The following ZNRF3 variants were observed in gnomAD, a reference collection of about 807,000 sequenced individuals.
The protein encoded by ZNRF3 is E3 ubiquitin-protein ligase ZNRF3.
Under a neutral mutation model 72.5 loss-of-function variants are expected in ZNRF3, and 23 were observed. The observed-to-expected ratio is 0.32, with a 90% confidence interval of 0.23 to 0.45. The LOEUF (loss-of-function observed/expected upper bound fraction) is 0.45. Among genes scored for constraint, ZNRF3 ranks in the 20% least tolerant of loss-of-function variants. The pLI is 1.00. For missense variants in ZNRF3, 1,169 were observed against 1,272.1 expected (o/e 0.92, Z 1.23); for synonymous variants, 610 against 545.3 (o/e 1.12, Z -1.65).
chr22:28,926,684 A>T (rs1446579787), intron 1 of ZNRF3, among the ~76,000 whole-genome samples: 1 of 151,114 alleles, frequency 6.6e-6, no homozygotes, highest in Non-Finnish European at 1.5e-5. Flanking sequence ...CTGTAATCCC[A>T]GCTACTCGGG....
chr22:28,976,453 C>CCAAG (rs1431108573), intron 1 of ZNRF3, among the ~76,000 whole-genome samples: 1 of 152,062 alleles, frequency 6.6e-6, no homozygotes, highest in Non-Finnish European at 1.5e-5. Flanking sequence ...CTGCAGTGAG[C>CCAAG]CAAGATTGTG....
chr22:29,020,518 C>T (rs2036514066), intron 2 of ZNRF3, among the ~76,000 whole-genome samples: 1 of 151,872 alleles, frequency 6.6e-6, no homozygotes, highest in Non-Finnish European at 1.5e-5. Flanking sequence ...GCCTCGGACT[C>T]CCAAAGTGGT....
intron 1 of ZNRF3, among the ~76,000 whole-genome samples, chr22:28,917,711 G>A (rs2034435219): frequency 6.6e-6 from 1 of 152,200 alleles, no homozygotes; most frequent in Non-Finnish European, 1.5e-5. Context: ...AAAGGACATA[G>A]GGTCTTTATC....
chr22:28,970,557 A>C lies in ZNRF3; in HGVS notation c.301-16519A>C, dbSNP rs2035552907. Among the ~76,000 whole-genome samples the C allele has an allele frequency of 2.0e-5, 3 of 152,240 alleles. No individual in the cohort carries two copies. The South Asian group carries it at 6.2e-4, about 31-fold the overall frequency. On this transcript the variant is annotated intron_variant, in intron 1 of 8. Coordinates refer to ENST00000544604, the MANE Select transcript of ZNRF3 (RefSeq NM_001206998.2). The stretch of plus-strand genomic sequence containing the variant: ...AACATTTGTCTACGCAAACCTACTC[A>C]AATATCCGTGGCAGCTTTATTTGTA...
chr22:29,006,131 C>G (rs993819909), intron 2 of ZNRF3, among the ~76,000 whole-genome samples: 1 of 151,180 alleles, frequency 6.6e-6, no homozygotes, highest in African/African-American at 2.4e-5. Context: ...CTGCCTTGGG[C>G]TTATTGCACT....
intron 1 of ZNRF3, among the ~76,000 whole-genome samples, chr22:28,892,724 C>G (rs1254718338): frequency 6.6e-6 from 1 of 152,230 alleles, no homozygotes; most frequent in South Asian, 2.1e-4. Context: ...TTAATTTCCT[C>G]CTCTCCCCAG....
chr22:28,962,890 A>G (rs554040207), intron 1 of ZNRF3, among the ~76,000 whole-genome samples: 55 of 152,330 alleles, frequency 3.6e-4, no homozygotes, highest in Middle Eastern at 3.4e-3. Context: ...GTTCAAATGC[A>G]TTGAAGGAAG....
At chr22:29,046,694 C>T in intron 5 of ZNRF3, 22 bp from the exon 6 acceptor site, 1 of 1,574,510 alleles carries the variant, frequency 6.4e-7, no homozygotes, top group Middle Eastern at 1.7e-4. Context: ...GACCCTCACA[C>T]AGACTACATT....
intron 1 of ZNRF3, among the ~76,000 whole-genome samples, chr22:28,891,736 C>G (rs947627356): frequency 3.3e-5 from 5 of 152,180 alleles, no homozygotes; most frequent in African/African-American, 1.2e-4. Context: ...GAGTTTAAAC[C>G]CAAAACGATT....
chr22:28,916,246 T>C (rs1208942026), intron 1 of ZNRF3, among the ~76,000 whole-genome samples: 2 of 152,086 alleles, frequency 1.3e-5, no homozygotes, highest in African/African-American at 4.8e-5. Context: ...TATTTTTTTG[T>C]AGAGGCGAGG....
intron 1 of ZNRF3, among the ~76,000 whole-genome samples, chr22:28,901,146 A>T (rs918146671): frequency 2.6e-5 from 4 of 152,018 alleles, no homozygotes; most frequent in Non-Finnish European, 4.4e-5. Context: ...ATTTTTTTTT[A>T]AATGCAGAAA....
chr22:28,952,105 G>A (rs890897217), intron 1 of ZNRF3, among the ~76,000 whole-genome samples: 4 of 152,362 alleles, frequency 2.6e-5, no homozygotes, highest in Admixed American at 1.3e-4. Flanking sequence ...GCACCACACA[G>A]CCAGGAGAAG....
chr22:29,022,033 A>G (rs1308429675), intron 2 of ZNRF3, among the ~76,000 whole-genome samples: 1 of 151,920 alleles, frequency 6.6e-6, no homozygotes, highest in Non-Finnish European at 1.5e-5. Flanking sequence ...CCAGACAACT[A>G]CTGATCTGCT....
At chr22:28,962,525 T>G (rs2035381622) in intron 1 of ZNRF3, among the ~76,000 whole-genome samples, 1 of 152,208 alleles carries the variant, frequency 6.6e-6, no homozygotes. Flanking sequence ...ATACTGACTC[T>G]CGTAGAGGTG....
Position 28,884,051 on chromosome 22 carries a change from G to A in ZNRF3, c.285G>A (p.Glu95=). 5 of 1,283,214 alleles carry A rather than the reference G, an allele frequency of 3.9e-6. No individual in the cohort carries two copies. The highest frequency in any genetic ancestry group is 5.0e-6 in the Non-Finnish European group (5 of 995,280). 79.5% of individuals were successfully genotyped at this position (1,283,214 alleles called of 1,614,324 possible). A position where few individuals can be genotyped will look rare whatever the true frequency, so the allele number is the denominator to read the frequency against. ...GGGCCGGGGCCACGCTCAGCGCCGA[G>A]GGCGAGATCGTGCAGGTAGCTGCCC... ...FSRAGATLSA[E]GEIVQMHPLG... The change falls in exon 1 of 9, where the codon GAG becomes GAA. Residue 95 remains glutamate (E), a synonymous_variant. Coordinates refer to ENST00000544604, the MANE Select transcript of ZNRF3 (RefSeq NM_001206998.2).
At chr22:28,934,195 G>A (rs1017099133) in intron 1 of ZNRF3, among the ~76,000 whole-genome samples, 1 of 152,036 alleles carries the variant, frequency 6.6e-6, no homozygotes, top group East Asian at 1.9e-4. Flanking sequence ...TGGAGCTGTC[G>A]TGCCTAATAG....
At chr22:28,893,329 A>G (rs2033926901) in intron 1 of ZNRF3, among the ~76,000 whole-genome samples, 1 of 152,150 alleles carries the variant, frequency 6.6e-6, no homozygotes, top group Non-Finnish European at 1.5e-5. Flanking sequence ...TTGAATGTTT[A>G]CTGTAGATAC....
intron 1 of ZNRF3, among the ~76,000 whole-genome samples, chr22:28,979,066 C>T (rs2123820502): frequency 6.6e-6 from 1 of 152,292 alleles, no homozygotes; most frequent in South Asian, 2.1e-4. Context: ...AAACTCTCCT[C>T]AGTACCATCT....
At chr22:29,046,613 G>A in intron 5 of ZNRF3, 103 bp from the exon 6 acceptor site, 2 of 1,278,644 alleles carry the variant, frequency 1.6e-6, no homozygotes, top group Non-Finnish European at 2.1e-6. Flanking sequence ...CGGCATGATA[G>A]AGAATTGTCT....
Sources: allele counts gnomAD v4.1 joint callset (sites outside exome capture counted in the v4.1 genomes callset), GRCh38; gene constraint gnomAD v4.1.1; transcripts MANE v1.5; gene names NCBI Gene and HGNC (gene_info 2026-07-23, HGNC 2026-07-21).